The following AGL variants were observed in gnomAD, a reference collection of about 807,000 sequenced individuals.
The protein encoded by AGL is glycogen debranching enzyme.
A neutral mutation model predicts 199.3 loss-of-function variants in AGL; 128 were observed. The ratio of observed to expected loss-of-function variants is 0.64; its 90% CI spans 0.56 to 0.74. The LOEUF (loss-of-function observed/expected upper bound fraction) is 0.74, where lower values mean the gene tolerates loss of function less well. Ranked by LOEUF, AGL falls within the 30% of genes least tolerant of loss-of-function variation. The probability of loss-of-function intolerance (pLI) is 0.00; values close to 1 mark genes in which losing one functional copy is unlikely to be tolerated. For missense variants in AGL, 1,809 were observed against 1,820.8 expected, an observed-to-expected ratio of 0.99 and a Z score of 0.12; for synonymous variants, 584 against 594.7, an observed-to-expected ratio of 0.98 and a Z score of 0.26.
chr1:99,880,354 G>A (rs1412157265), intron 13 of AGL, among the ~76,000 whole-genome samples: 8 of 152,150 alleles, frequency 5.3e-5, no homozygotes, highest in Non-Finnish European at 1.2e-4. Context: ...GAGATATGAT[G>A]TAATGTTTAG....
intron 2 of AGL, among the ~76,000 whole-genome samples, chr1:99,858,283 T>G (rs778953954): frequency 6.6e-6 from 1 of 152,210 alleles, no homozygotes; most frequent in African/African-American, 2.4e-5. Flanking sequence ...AGTATGATAC[T>G]TAGAAAATAT....
At chr1:99,906,060 C>T (rs910119665) in intron 27 of AGL, among the ~76,000 whole-genome samples, 4 of 152,040 alleles carry the variant, frequency 2.6e-5, no homozygotes, top group African/African-American at 9.7e-5. Flanking sequence ...TAAGTACAAT[C>T]ACATTGTTGT....
Position 99,875,423 on chromosome 1 carries a change from A to AC in AGL, c.1253dup (p.Val419CysfsTer3), listed in dbSNP as rs745559323. On this transcript the variant is annotated frameshift_variant, in exon 10 of 34. Coordinates refer to ENST00000361915, the MANE Select transcript of AGL (RefSeq NM_000642.3). LOFTEE classifies it high-confidence loss of function. ...TGGCTGGCCATGGTCCAAAACTAGG[A>AC]CCTGTCACTAGAAAGCATCCTTTAG... is the stretch of plus-strand genomic sequence containing the variant. The AC allele has an allele frequency of 1.1e-5, 17 of 1,614,032 alleles. No individual in the cohort carries two copies. The highest frequency in any genetic ancestry group is 1.4e-5 in the Non-Finnish European group (16 of 1,179,988).
At chr1:99,878,379 A>G (rs1056339563) in intron 12 of AGL, among the ~76,000 whole-genome samples, 4 of 151,980 alleles carry the variant, frequency 2.6e-5, no homozygotes, top group Non-Finnish European at 5.9e-5. Flanking sequence ...AATAAAAAAT[A>G]AACATTAACA....
At chr1:99,869,963 A>G (rs938178750) in intron 5 of AGL, among the ~76,000 whole-genome samples, 1 of 152,164 alleles carries the variant, frequency 6.6e-6, no homozygotes, top group African/African-American at 2.4e-5. Flanking sequence ...ATTATCTTCA[A>G]TGTTGTAAAT....
Position 99,881,149 on chromosome 1 carries a change from G to A in AGL, c.1973G>A (p.Arg658Lys), listed in dbSNP as rs202072987. Residue 658 changes from arginine (R) to lysine (K), a missense_variant, in exon 15 of 34, where the codon AGA (arginine) becomes AAA (lysine). Arg to Lys is a conservative substitution (Grantham distance 26). Coordinates refer to ENST00000361915, the MANE Select transcript of AGL (RefSeq NM_000642.3). Reference protein sequence around the residue: ...SMACCASGSTRGYDELVPHQI... With the variant: ...SMACCASGSTKGYDELVPHQI... ...GCATGTTGTGCTAGTGGAAGTACAA[G>A]AGGCTATGATGAATTAGTGCCTCAT... is the stretch of plus-strand genomic sequence containing the variant. 1 of 1,613,830 alleles carries A rather than the reference G, an allele frequency of 6.2e-7. No homozygotes were observed. The highest frequency in any genetic ancestry group is 1.3e-5 in the African/African-American group (1 of 74,902).
In AGL at chr1:99,851,072, A is replaced by T. The variant is rs746137555; in HGVS notation, c.30A>T (p.Leu10Phe). 7 of 1,613,992 alleles carry T rather than the reference A, an allele frequency of 4.3e-6. No individual in the cohort carries two copies. The African/African-American group carries it at 9.3e-5, about 22-fold the overall frequency. ...GACACAGTAAACAGATTCGAATTTT[A>T]CTTCTGAACGAAATGGAGAAACTGG... MGHSKQIRI[L>F]LLNEMEKLEK... The change falls in exon 2 of 34, where the codon TTA becomes TTT. Residue 10 changes from leucine to phenylalanine, a missense_variant. Physicochemically the swap from Leu to Phe is conservative, Grantham distance 22. Transcript: ENST00000361915.
At chr1:99,892,212 A>G (rs1652949625) in intron 23 of AGL, among the ~76,000 whole-genome samples, 1 of 152,164 alleles carries the variant, frequency 6.6e-6, no homozygotes, top group African/African-American at 2.4e-5. Flanking sequence ...TTTCATTTCT[A>G]CCATTTGTTT....
At chr1:99,910,555 A>G (rs1463004038) in intron 27 of AGL, among the ~76,000 whole-genome samples, 157 bp from the exon 28 acceptor site, 3 of 152,108 alleles carry the variant, frequency 2.0e-5, no homozygotes, top group African/African-American at 4.8e-5. Context: ...TTGTGCTTGT[A>G]TATTCTGGAT....
rs11363065 is a variant in AGL, at chr1:99,852,351, CTT to C, written c.82+1247_82+1248del. 0.14 allele frequency among the ~76,000 whole-genome samples: 13,624 copies of C among 97,772 alleles called. 671 individuals are homozygous for C. The highest frequency in any genetic ancestry group is 0.19 in the Middle Eastern group (31 of 166). 64.1% of individuals were successfully genotyped at this position (97,772 alleles called of 152,430 possible). On this transcript the variant is annotated intron_variant, in intron 2 of 33. Coordinates refer to ENST00000361915, the MANE Select transcript of AGL (RefSeq NM_000642.3). ...TTACATTAATTCTGAGCATTCATTTCTTTTTTTTTTTTTTTTTTTTTCCTTTT... is the reference window on the plus strand; with the variant it reads ...TTACATTAATTCTGAGCATTCATTTCTTTTTTTTTTTTTTTTTTTCCTTTT...
chr1:99,891,360 A>G lies in AGL; in HGVS notation c.2949+4A>G. On this transcript the variant is annotated splice_donor_region_variant and intron_variant, in intron 22 of 33. Coordinates refer to ENST00000361915, the MANE Select transcript of AGL (RefSeq NM_000642.3). ...ACGATCAGGAACTATTGCTGAAGTA[A>G]GTAGAGCTATATTATCGTCCCAAAA... 4 of 1,613,546 alleles carry G rather than the reference A, an allele frequency of 2.5e-6. No homozygotes were observed. The highest frequency in any genetic ancestry group is 2.2e-5 in the East Asian group (1 of 44,854).
In AGL at chr1:99,921,536, C is replaced by T. The variant is rs1305923139; in HGVS notation, c.4484C>T (p.Ser1495Phe). The T allele has an allele frequency of 6.2e-7, 1 of 1,600,420 alleles. No homozygotes were observed. The highest frequency in any genetic ancestry group is 8.6e-7 in the Non-Finnish European group (1 of 1,167,996). The part of the protein sequence containing the change: ...LSRHYVHLER[S>F]PWKGLPELTN... ...AAAATGTCTTTTCTTTCATTCAGAT[C>T]CCCTTGGAAAGGACTTCCAGAACTG... Residue 1495 changes from serine (S) to phenylalanine (F), a missense_variant and splice_region_variant, in exon 34 of 34, where the codon TCC becomes TTC. Coordinates refer to ENST00000361915, the MANE Select transcript of AGL (RefSeq NM_000642.3).
At chr1:99,889,323 C>G (rs920599366) in intron 21 of AGL, among the ~76,000 whole-genome samples, 6 of 152,258 alleles carry the variant, frequency 3.9e-5, no homozygotes, top group African/African-American at 1.4e-4. Context: ...GTAAGCGGTT[C>G]TCAATAAACT....
At chr1:99,883,501 A>G (rs1652208819) in intron 17 of AGL, among the ~76,000 whole-genome samples, 1 of 152,188 alleles carries the variant, frequency 6.6e-6, no homozygotes, top group African/African-American at 2.4e-5. Context: ...TTTGAAGTAA[A>G]TGTGCTGTAG....
intron 5 of AGL, among the ~76,000 whole-genome samples, chr1:99,866,720 T>C (rs537675261): frequency 1.6e-4 from 24 of 152,338 alleles, no homozygotes; most frequent in African/African-American, 5.1e-4. Context: ...TTCTGTGCAA[T>C]GTAAAAGAAG....
chr1:99,887,837 A>G (rs1199528913), intron 20 of AGL, 141 bp from the exon 21 acceptor site: 18 of 887,608 alleles, frequency 2.0e-5, no homozygotes, highest in Middle Eastern at 3.4e-4. Flanking sequence ...ATGTATGAGT[A>G]TAATGTTTAT....
chr1:99,892,413 T>C lies in AGL; in HGVS notation c.3084-19T>C. ...AATTGTATTTCTACAAGTAATAAAT[T>C]CAATCACTTTTGTTACAGCTTTGTT... On this transcript the variant is annotated intron_variant, in intron 23 of 33. Coordinates refer to ENST00000361915, the MANE Select transcript of AGL (RefSeq NM_000642.3). 1 of 1,609,754 alleles carries C rather than the reference T, an allele frequency of 6.2e-7. No homozygotes were observed. Among genetic ancestry groups the C allele is most frequent in the East Asian group, 2.2e-5 (1 of 44,778 alleles).
chr1:99,858,743 C>A (rs1649782252), intron 2 of AGL, among the ~76,000 whole-genome samples: 1 of 151,948 alleles, frequency 6.6e-6, no homozygotes, highest in Non-Finnish European at 1.5e-5. Context: ...TATTTAGTTA[C>A]ATTTTCACTG....
chr1:99,887,256 C>T (rs978747258), intron 20 of AGL, among the ~76,000 whole-genome samples: 12 of 152,146 alleles, frequency 7.9e-5, no homozygotes, highest in Admixed American at 7.9e-4. Context: ...CAAGAAAATA[C>T]AGTTTCAGCT....
Sources: gnomAD v4.1 joint callset for allele counts (sites outside exome capture counted in the v4.1 genomes callset) on GRCh38, gnomAD v4.1.1 for gene constraint, MANE v1.5 for transcripts, NCBI Gene and HGNC (gene_info 2026-07-23, HGNC 2026-07-21) for gene names.